XPO6: variants seen among roughly 807,000 people sequenced by gnomAD.
XPO6 encodes exportin 6, also known as exportin-6.
A neutral mutation model predicts 130.0 loss-of-function variants in XPO6; 3 were observed. That is an observed-to-expected ratio of 0.02 (90% CI 0.01 to 0.06). The LOEUF (loss-of-function observed/expected upper bound fraction) is 0.06, where lower values mean the gene tolerates loss of function less well. Among genes scored for constraint, XPO6 ranks in the 10% least tolerant of loss-of-function variants. The pLI is 1.00. For missense variants in XPO6, 970 were observed against 1,393.0 expected (o/e 0.70, Z 4.83); for synonymous variants, 524 against 548.9 (o/e 0.95, Z 0.63).
chr16:28,105,018 T>C, intron 20 of XPO6, among the ~76,000 whole-genome samples: 1 of 152,240 alleles, frequency 6.6e-6, no homozygotes, highest in East Asian at 1.9e-4. Flanking sequence ...CACTCAGCTT[T>C]TACACTAGAA....
At chr16:28,119,903 G>C (rs1476088518) in intron 14 of XPO6, among the ~76,000 whole-genome samples, 4 of 152,120 alleles carry the variant, frequency 2.6e-5, no homozygotes, top group African/African-American at 4.8e-5. Context: ...TGTCACCCAG[G>C]CTGGAGAGCA....
intron 20 of XPO6, among the ~76,000 whole-genome samples, chr16:28,105,184 G>A (rs1448893706): frequency 3.9e-5 from 6 of 152,162 alleles, no homozygotes; most frequent in Non-Finnish European, 7.3e-5. Flanking sequence ...CAGACCCAAC[G>A]CCTTAAAGCG....
intron 8 of XPO6, among the ~76,000 whole-genome samples, chr16:28,149,864 G>C (rs1425316381): frequency 6.6e-6 from 1 of 152,188 alleles, no homozygotes; most frequent in Non-Finnish European, 1.5e-5. Context: ...CTCTAGACGA[G>C]AGAAAGACAC....
intron 6 of XPO6, among the ~76,000 whole-genome samples, chr16:28,157,367 A>G (rs1290855890): frequency 6.6e-6 from 1 of 150,788 alleles, no homozygotes; most frequent in Non-Finnish European, 1.5e-5. Flanking sequence ...AGGCAGGAGA[A>G]TCGCTTGAAC....
intron 17 of XPO6, among the ~76,000 whole-genome samples, chr16:28,108,397 C>A (rs970183036): frequency 6.6e-6 from 1 of 152,188 alleles, no homozygotes; most frequent in Middle Eastern, 3.2e-3. Context: ...CCACAGGTGA[C>A]CATCTGAAGG....
intron 1 of XPO6, among the ~76,000 whole-genome samples, chr16:28,187,589 T>G (rs2043715852): frequency 6.6e-6 from 1 of 151,104 alleles, no homozygotes; most frequent in Admixed American, 6.6e-5. Flanking sequence ...AAACACAATG[T>G]CAGGCATGAA....
rs201607634 is a variant in XPO6 at position 28,125,840 on chromosome 16, A to G, written c.1615T>C (p.Leu539=). 1.1e-4 allele frequency: 183 copies of G among 1,613,704 alleles called. 1 individual carries two copies. In the South Asian group the frequency reaches 1.9e-3, roughly 17 times the overall value. The part of the protein sequence containing the change: ...FIVTSGSGHR[L]NITAENDCRR... ...CAGTCGTTCTCCGCCGTGATGTTCA[A>G]CCTGTGTCCTGGAACACAACACGCC... The change falls in exon 13 of 24, where the codon TTG becomes CTG. Residue 539 remains leucine (L), a synonymous_variant. Transcript: ENST00000304658.
chr16:28,102,076 C>A, intron 21 of XPO6, 131 bp from the exon 22 acceptor site: 1 of 671,368 alleles, frequency 1.5e-6, no homozygotes, highest in Non-Finnish European at 2.5e-6. Context: ...CCAGCTCAGA[C>A]CTCTACGACG....
At chr16:28,158,130 T>C (rs2043212166) in intron 6 of XPO6, among the ~76,000 whole-genome samples, 1 of 152,220 alleles carries the variant, frequency 6.6e-6, no homozygotes, top group Non-Finnish European at 1.5e-5. Context: ...ACAGTTTTAC[T>C]ATACCACTTA....
chr16:28,166,494 C>A lies in XPO6; in HGVS notation c.643+14G>T. 2 of 1,575,232 alleles carry A rather than the reference C, an allele frequency of 1.3e-6. No individual in the cohort carries two copies. The highest frequency in any genetic ancestry group is 1.7e-6 in the Non-Finnish European group (2 of 1,158,618). ...TTAAAAAGAAGAATGCCTTGGCTGG[C>A]AGGCAGACCATACCACTTTCTCCTG... On this transcript the variant is annotated intron_variant, in intron 6 of 23. Coordinates refer to ENST00000304658, the MANE Select transcript of XPO6 (RefSeq NM_015171.4).
intron 1 of XPO6, among the ~76,000 whole-genome samples, chr16:28,210,171 A>T (rs1052517477): frequency 2.6e-5 from 4 of 152,184 alleles, no homozygotes; most frequent in Non-Finnish European, 5.9e-5. Context: ...CGTATAGCAT[A>T]TACTGTACGG....
At chr16:28,131,484 T>C (rs994948140) in intron 12 of XPO6, among the ~76,000 whole-genome samples, 1 of 152,202 alleles carries the variant, frequency 6.6e-6, no homozygotes, top group African/African-American at 2.4e-5. Context: ...GAGTGGTGCA[T>C]AGCAGCTGAT....
chr16:28,112,059 G>A, intron 16 of XPO6, 53 bp from the exon 17 acceptor site: 1 of 1,551,474 alleles, frequency 6.4e-7, no homozygotes, highest in Non-Finnish European at 8.7e-7. Context: ...AGACCGTGGT[G>A]CGGCATGCCC....
intron 6 of XPO6, among the ~76,000 whole-genome samples, chr16:28,160,895 T>C (rs2043268029): frequency 1.3e-5 from 2 of 152,238 alleles, no homozygotes; most frequent in Admixed American, 1.3e-4. Context: ...AAAAACTGTA[T>C]TTTACCCAAA....
At position 28,135,337 on chromosome 16, in the gene XPO6, G is replaced by A. The variant is rs757601660; in HGVS notation, c.1335-13C>T. 1.2e-6 allele frequency: 2 copies of A among 1,610,312 alleles called. No homozygotes were observed. Among genetic ancestry groups the A allele is most frequent in the Non-Finnish European group, 8.5e-7 (1 of 1,177,098 alleles). ...GGCATCTTCGTACCTATGTGGCAGG[G>A]AGAAATTCAACATTGAAAGGAGGCT... On this transcript the variant is annotated splice_polypyrimidine_tract_variant and intron_variant, in intron 9 of 23. Coordinates refer to ENST00000304658, the MANE Select transcript of XPO6 (RefSeq NM_015171.4).
At chr16:28,208,552 CT>C (rs1165415200) in intron 1 of XPO6, among the ~76,000 whole-genome samples, 1 of 152,186 alleles carries the variant, frequency 6.6e-6, no homozygotes, top group Non-Finnish European at 1.5e-5. Flanking sequence ...TGGCCACCCC[CT>C]GTGTACTTAA....
chr16:28,179,808 C>G (rs1010283090), intron 2 of XPO6, among the ~76,000 whole-genome samples: 2 of 152,176 alleles, frequency 1.3e-5, no homozygotes, highest in African/African-American at 2.4e-5. Context: ...ACAAAGAGAA[C>G]TGAACTAAGA....
In XPO6 at chr16:28,167,295, C is replaced by T. The variant is rs116736977; in HGVS notation, c.566-710G>A. 215 of 985,426 alleles carry T rather than the reference C, an allele frequency of 2.2e-4. 1 individual carries two copies. The African/African-American group carries it at 3.4e-3, about 16-fold the overall frequency. 61.0% of individuals were successfully genotyped at this position (985,426 alleles called of 1,614,324 possible). A position where few individuals can be genotyped will look rare whatever the true frequency, so the allele number is the denominator to read the frequency against. The stretch of plus-strand genomic sequence containing the variant: ...CGTGCATATCCCAAACTCAACTTTT[C>T]GTTCCCCACAAACCTGCCACCAATC... On this transcript the variant is annotated intron_variant, in intron 5 of 23. Transcript: ENST00000304658.
chr16:28,167,456 CAT>C (rs896090652), intron 5 of XPO6, among the ~76,000 whole-genome samples: 1 of 152,150 alleles, frequency 6.6e-6, no homozygotes, highest in Admixed American at 6.5e-5. Flanking sequence ...GTTCCTTCTA[CAT>C]GTGTCCCTCT....
Sources: gnomAD v4.1 joint callset for allele counts (sites outside exome capture counted in the v4.1 genomes callset) on GRCh38, gnomAD v4.1.1 for gene constraint, MANE v1.5 for transcripts, NCBI Gene and HGNC (gene_info 2026-07-23, HGNC 2026-07-21) for gene names.